The following GAPVD1 variants were observed in gnomAD, a reference collection of about 807,000 sequenced individuals.
GAPVD1 encodes GTPase activating protein and VPS9 domains 1, also known as GTPase-activating protein and VPS9 domain-containing protein 1.
GAPVD1 carries 35 observed loss-of-function variants against 155.5 expected under a neutral mutation model. The observed-to-expected ratio is 0.23, with a 90% CI of 0.17 to 0.30. GAPVD1 has a LOEUF of 0.30. Among genes scored for constraint, GAPVD1 ranks in the 10% least tolerant of loss-of-function variants. The pLI, the probability that GAPVD1 is intolerant of heterozygous loss-of-function variation, is 1.00. For missense variants in GAPVD1, 1,429 were observed against 1,775.7 expected (o/e 0.80, Z 3.51); for synonymous variants, 636 against 619.7 (o/e 1.03, Z -0.39).
In GAPVD1 at chr9:125,355,861, A is replaced by T; in HGVS notation, c.3971+4A>T. ...ATGGGGACATACTTCGCGACCAGTA[A>T]GTACTTCTATGTTGAGTGCCTATGT... On this transcript the variant is annotated splice_donor_region_variant and intron_variant, in intron 25 of 27. Transcript: ENST00000297933. The T allele has an allele frequency of 6.5e-7, 1 of 1,532,132 alleles. No individual in the cohort carries two copies. Among genetic ancestry groups the T allele is most frequent in the Non-Finnish European group, 9.0e-7 (1 of 1,105,032 alleles). The allele number at this position is 1,532,132 out of a possible 1,614,324, so 94.9% of individuals were successfully genotyped here. A position where few individuals can be genotyped will look rare whatever the true frequency, so the allele number is the denominator to read the frequency against.
chr9:125,360,444 C>T, intron 26 of GAPVD1, 84 bp from the exon 27 acceptor site: 1 of 1,036,322 alleles, frequency 9.6e-7, no homozygotes, highest in Admixed American at 1.8e-5. Flanking sequence ...TTATCCTCTG[C>T]CTCCTGACAC....
chr9:125,297,356 A>G (rs757903011), intron 3 of GAPVD1, among the ~76,000 whole-genome samples: 5 of 152,222 alleles, frequency 3.3e-5, no homozygotes, highest in African/African-American at 4.8e-5. Context: ...TATCTGTAAT[A>G]TAATGCTAGA....
rs1351502613 is a variant in GAPVD1, at chr9:125,366,934, A to G, written c.*4188A>G. The G allele has an allele frequency of 6.6e-6, 1 of 152,224 alleles. No individual in the cohort carries two copies. Among genetic ancestry groups the G allele is most frequent in the East Asian group, 1.9e-4 (1 of 5,206 alleles). The allele number at this position is 152,224 out of a possible 1,614,324, so 9.4% of individuals were successfully genotyped here. The stretch of plus-strand genomic sequence containing the variant: ...GAGAGATGACGTCTCCACTTGGATA[A>G]TGGCAGACAGTGTGGGTAGCGGCCA... On this transcript the variant is annotated 3_prime_UTR_variant, in exon 28 of 28. Transcript: ENST00000297933.
rs780822151 is a variant in GAPVD1, at chr9:125,355,756, A to G, written c.3870A>G (p.Glu1290=). ...TCATATGGCAAAACGCGAGTGAAGAACAGCTTCAAGATGCACAGCTGGCCA... is the reference window on the plus strand; with the variant it reads ...TCATATGGCAAAACGCGAGTGAAGAGCAGCTTCAAGATGCACAGCTGGCCA... ...QDVIWQNASE[E]QLQDAQLAIE... is the part of the protein sequence containing the mutation. The change falls in exon 25 of 28, where the codon GAA becomes GAG. Residue 1290 remains glutamate (E), a synonymous_variant. Transcript: ENST00000297933. 2.9e-5 allele frequency: 46 copies of G among 1,613,198 alleles called. 1 individual carries two copies. Among genetic ancestry groups the G allele is most frequent in the Non-Finnish European group, 3.8e-5 (45 of 1,179,224 alleles).
At chr9:125,294,562 G>A (rs995978961) in intron 2 of GAPVD1, among the ~76,000 whole-genome samples, 1 of 150,550 alleles carries the variant, frequency 6.6e-6, no homozygotes, top group Non-Finnish European at 1.5e-5. Flanking sequence ...TGGTCAGGCT[G>A]GTCTCAAACT....
chr9:125,312,884 G>A (rs891407955), intron 9 of GAPVD1, among the ~76,000 whole-genome samples: 7 of 152,008 alleles, frequency 4.6e-5, no homozygotes, highest in Admixed American at 1.3e-4. Flanking sequence ...GCAATAGCAC[G>A]ATCTCAGCTC....
chr9:125,293,705 A>G, intron 2 of GAPVD1, among the ~76,000 whole-genome samples: 1 of 127,010 alleles, frequency 7.9e-6, no homozygotes, highest in Non-Finnish European at 1.6e-5. Context: ...TATATTAAAT[A>G]TATATTTTTA....
At chr9:125,332,097 G>A in intron 14 of GAPVD1, 37 bp downstream of exon 14, 1 of 1,595,220 alleles carries the variant, frequency 6.3e-7, no homozygotes. Context: ...GGGATTTGAA[G>A]GTGTTCACCC....
chr9:125,310,402 T>C (rs943070272), intron 8 of GAPVD1, among the ~76,000 whole-genome samples: 5 of 152,248 alleles, frequency 3.3e-5, no homozygotes, highest in Non-Finnish European at 7.3e-5. Flanking sequence ...AAGTTGACTT[T>C]TGCTGCTACT....
At chr9:125,266,302 T>G (rs2131659437) in intron 1 of GAPVD1, among the ~76,000 whole-genome samples, 1 of 150,490 alleles carries the variant, frequency 6.6e-6, no homozygotes. Context: ...AATTTTTATT[T>G]TATTTTATTT....
At chr9:125,355,060 A>G (rs1160489032) in intron 24 of GAPVD1, among the ~76,000 whole-genome samples, 4 of 152,200 alleles carry the variant, frequency 2.6e-5, no homozygotes, top group Non-Finnish European at 5.9e-5. Flanking sequence ...AATTGGGGAC[A>G]TTGGTAAATT....
Position 125,332,751 on chromosome 9 carries a change from A to G in GAPVD1, c.2428+122A>G, listed in dbSNP as rs889683542. On this transcript the variant is annotated intron_variant, in intron 15 of 27. Transcript: ENST00000297933. ...GCACTTTGGGACATACTTTGTCAGT[A>G]TCTATTTAAGGTCTTAAATGTTCAC... is the stretch of plus-strand genomic sequence containing the variant. 3 of 785,400 alleles carry G rather than the reference A, an allele frequency of 3.8e-6. No homozygotes were observed. The African/African-American group carries it at 5.2e-5, about 14-fold the overall frequency. 48.7% of individuals were successfully genotyped at this position (785,400 alleles called of 1,614,324 possible). A position where few individuals can be genotyped will look rare whatever the true frequency, so the allele number is the denominator to read the frequency against.
At chr9:125,268,495 GTTTTT>G (rs911483935) in intron 1 of GAPVD1, among the ~76,000 whole-genome samples, 1 of 89,160 alleles carries the variant, frequency 1.1e-5, no homozygotes. Flanking sequence ...CCCTAACATT[GTTTTT>G]TTTTTTTTTT....
At chr9:125,340,083 C>T (rs1419405228) in intron 17 of GAPVD1, among the ~76,000 whole-genome samples, 2 of 152,102 alleles carry the variant, frequency 1.3e-5, no homozygotes, top group Non-Finnish European at 1.5e-5. Context: ...TGCAGTGGTG[C>T]GATCTCGGGT....
chr9:125,304,134 T>G (rs1303133357), intron 5 of GAPVD1: 1 of 152,214 alleles, frequency 6.6e-6, no homozygotes, highest in Non-Finnish European at 1.5e-5. Flanking sequence ...CTTAGCTCTC[T>G]GTAGCCTTTG....
In GAPVD1 at chr9:125,310,726, T is replaced by C. The variant is rs567055510; in HGVS notation, c.1442-1726T>C. 4.5e-4 allele frequency among the ~76,000 whole-genome samples: 68 copies of C among 151,270 alleles called. 1 individual carries two copies. Among genetic ancestry groups the C allele is most frequent in the South Asian group, 1.9e-3 (9 of 4,760 alleles). ...GCTAATTTTGTATTTTTAGTAGAGA[T>C]GGGTTTTCTCCATGTTGGTCAGGCT... On this transcript the variant is annotated intron_variant, in intron 8 of 27. Transcript: ENST00000297933.
chr9:125,349,836 A>G (rs1849053255), intron 21 of GAPVD1, among the ~76,000 whole-genome samples: 1 of 151,854 alleles, frequency 6.6e-6, no homozygotes, highest in South Asian at 2.1e-4. Flanking sequence ...CCATCTCTAT[A>G]AAAAAGAAAA....
intron 2 of GAPVD1, among the ~76,000 whole-genome samples, chr9:125,285,759 C>T (rs1049822088): frequency 1.3e-5 from 2 of 151,864 alleles, no homozygotes; most frequent in African/African-American, 4.8e-5. Context: ...CTGCACCTGG[C>T]CCATCTGTTT....
At chr9:125,264,434 A>T (rs1368028719) in intron 1 of GAPVD1, among the ~76,000 whole-genome samples, 1 of 152,112 alleles carries the variant, frequency 6.6e-6, no homozygotes, top group Non-Finnish European at 1.5e-5. Context: ...ACCTCAGGTG[A>T]TCTGCCTGCC....
Sources: allele counts gnomAD v4.1 joint callset (sites outside exome capture counted in the v4.1 genomes callset), GRCh38; gene constraint gnomAD v4.1.1; transcripts MANE v1.5; gene names NCBI Gene and HGNC (gene_info 2026-07-23, HGNC 2026-07-21).